The following GALNT13 variants were observed in gnomAD, a reference collection of about 807,000 sequenced individuals.
GALNT13 encodes the protein polypeptide N-acetylgalactosaminyltransferase 13.
A neutral mutation model predicts 64.2 loss-of-function variants in GALNT13; 28 were observed. The ratio of observed to expected loss-of-function variants is 0.44; its 90% CI spans 0.32 to 0.60. The LOEUF (loss-of-function observed/expected upper bound fraction) is 0.60, where lower values mean the gene tolerates loss of function less well. Among genes scored for constraint, GALNT13 ranks in the 20% least tolerant of loss-of-function variants. The probability of loss-of-function intolerance (pLI) is 0.05; values close to 1 mark genes in which losing one functional copy is unlikely to be tolerated. For synonymous variants in GALNT13, 214 were observed against 224.6 expected, an observed-to-expected ratio of 0.95 and a Z score of 0.42; for missense variants, 577 against 669.8, an observed-to-expected ratio of 0.86 and a Z score of 1.53.
At chr2:154,217,743 A>C (rs1400423896) in intron 4 of GALNT13, among the ~76,000 whole-genome samples, 1 of 152,212 alleles carries the variant, frequency 6.6e-6, no homozygotes, top group African/African-American at 2.4e-5. Context: ...ATAGTTATAA[A>C]AAGAAAATAA....
At chr2:153,484,715 T>C in the GALNT13 span, among the ~76,000 whole-genome samples, 3 of 152,214 alleles carry the variant, frequency 2.0e-5, no homozygotes, top group Non-Finnish European at 4.4e-5. Context: ...TCAGAATTTC[T>C]GGAGGTAGGG....
chr2:154,303,542 G>T (rs1693565239), intron 9 of GALNT13, among the ~76,000 whole-genome samples: 1 of 151,854 alleles, frequency 6.6e-6, no homozygotes, highest in Non-Finnish European at 1.5e-5. Context: ...GTTAGAAAAT[G>T]ATTTTAGGGC....
the GALNT13 span, among the ~76,000 whole-genome samples, chr2:153,525,095 C>A: frequency 6.6e-6 from 1 of 152,186 alleles, no homozygotes; most frequent in African/African-American, 2.4e-5. Flanking sequence ...AGCCATGGGG[C>A]TCCTCTTTCA....
the GALNT13 span, among the ~76,000 whole-genome samples, chr2:153,125,456 G>A: frequency 6.6e-6 from 1 of 152,214 alleles, no homozygotes; most frequent in African/African-American, 2.4e-5. Context: ...TGACAGTCCA[G>A]TCTGAGAGCG....
chr2:154,051,608 G>A (rs1699625224), intron 3 of GALNT13, among the ~76,000 whole-genome samples: 1 of 152,090 alleles, frequency 6.6e-6, no homozygotes, highest in African/African-American at 2.4e-5. Flanking sequence ...CCTTCTTGAA[G>A]TTTAAGCTAT....
chr2:153,686,421 G>A, the GALNT13 span, among the ~76,000 whole-genome samples: 2 of 151,850 alleles, frequency 1.3e-5, no homozygotes, highest in Non-Finnish European at 2.9e-5. Flanking sequence ...GTGAATGCTA[G>A]TTCATTCCCG....
chr2:153,113,639 C>T, the GALNT13 span, among the ~76,000 whole-genome samples: 1 of 152,034 alleles, frequency 6.6e-6, no homozygotes, highest in Non-Finnish European at 1.5e-5. Flanking sequence ...AGTCAGCTAA[C>T]AGCACCATCC....
At chr2:154,031,140 TAGG>T (rs1698310568) in intron 3 of GALNT13, among the ~76,000 whole-genome samples, 1 of 152,100 alleles carries the variant, frequency 6.6e-6, no homozygotes, top group Non-Finnish European at 1.5e-5. Flanking sequence ...AGATGTTGTG[TAGG>T]AGAAGTATTG....
the GALNT13 span, among the ~76,000 whole-genome samples, chr2:153,209,972 T>C: frequency 1.3e-5 from 2 of 152,142 alleles, no homozygotes; most frequent in African/African-American, 4.8e-5. Flanking sequence ...TATTTGTTTT[T>C]AGTATATAAT....
intron 3 of GALNT13, among the ~76,000 whole-genome samples, chr2:154,020,450 GTGA>G (rs1191938125): frequency 1.1e-4 from 17 of 152,196 alleles, no homozygotes; most frequent in Admixed American, 9.8e-4. Flanking sequence ...CTGATGGCCA[GTGA>G]TGATGAGCAT....
At chr2:153,970,038 A>T (rs1048213948) in intron 3 of GALNT13, among the ~76,000 whole-genome samples, 1 of 152,186 alleles carries the variant, frequency 6.6e-6, no homozygotes, top group African/African-American at 2.4e-5. Context: ...GGTGTTTACT[A>T]CGTAGCATGC....
the GALNT13 span, among the ~76,000 whole-genome samples, chr2:153,789,406 T>C: frequency 4.6e-5 from 7 of 152,144 alleles, no homozygotes; most frequent in Non-Finnish European, 1.5e-5. Flanking sequence ...AGAACAAAGA[T>C]GCAACATGCC....
the GALNT13 span, among the ~76,000 whole-genome samples, chr2:153,225,242 T>C: frequency 6.6e-6 from 1 of 152,180 alleles, no homozygotes; most frequent in Non-Finnish European, 1.5e-5. Flanking sequence ...GATTATACCA[T>C]TGGATGCAGA....
intron 9 of GALNT13, among the ~76,000 whole-genome samples, chr2:154,367,716 TAA>T (rs919875857): frequency 1.3e-5 from 2 of 152,118 alleles, no homozygotes; most frequent in Admixed American, 6.6e-5. Context: ...TCTTATAATG[TAA>T]AAAAAGAGTA....
the GALNT13 span, among the ~76,000 whole-genome samples, chr2:153,443,019 G>T: frequency 6.6e-6 from 1 of 152,088 alleles, no homozygotes; most frequent in Non-Finnish European, 1.5e-5. Context: ...TAGACCACTT[G>T]GCTCCCTGGC....
chr2:154,154,215 T>C (rs536942439), intron 4 of GALNT13, among the ~76,000 whole-genome samples: 4 of 152,156 alleles, frequency 2.6e-5, no homozygotes, highest in Admixed American at 2.6e-4. Flanking sequence ...GATAGTTTTT[T>C]CCAAAAAAAT....
intron 3 of GALNT13, among the ~76,000 whole-genome samples, chr2:154,089,463 A>G (rs1701693674): frequency 6.6e-6 from 1 of 151,952 alleles, no homozygotes; most frequent in Non-Finnish European, 1.5e-5. Context: ...TTCACCATAG[A>G]AGTGGGGGGT....
chr2:153,528,959 C>T, the GALNT13 span, among the ~76,000 whole-genome samples: 4 of 151,510 alleles, frequency 2.6e-5, no homozygotes, highest in South Asian at 2.1e-4. Flanking sequence ...TAAATACTTA[C>T]ATCAAAAAAA....
the GALNT13 span, chr2:153,478,612 G>A: frequency 6.9e-7 from 1 of 1,445,354 alleles, no homozygotes; most frequent in South Asian, 1.4e-5. Flanking sequence ...CGAGGGGTGG[G>A]AAGGCGGCGG....
Sources: gnomAD v4.1 joint callset for allele counts (sites outside exome capture counted in the v4.1 genomes callset) on GRCh38, gnomAD v4.1.1 for gene constraint, MANE v1.5 for transcripts, NCBI Gene and HGNC (gene_info 2026-07-23, HGNC 2026-07-21) for gene names.